Variants in DYNC2H1 observed in about 807,000 individuals in gnomAD.
The protein encoded by DYNC2H1 is cytoplasmic dynein 2 heavy chain 1.
A neutral mutation model predicts 570.0 loss-of-function variants in DYNC2H1; 410 were observed. The ratio of observed to expected loss-of-function variants is 0.72; its 90% confidence interval spans 0.66 to 0.78. DYNC2H1 has a LOEUF of 0.78. Ranked by LOEUF, DYNC2H1 falls within the 30% of genes least tolerant of loss-of-function variation. DYNC2H1 has a pLI of 0.00. For synonymous variants in DYNC2H1, 1,688 were observed against 1,677.6 expected, an observed-to-expected ratio of 1.01 and a Z score of -0.15; for missense variants, 4,865 against 5,046.4, an observed-to-expected ratio of 0.96 and a Z score of 1.09.
At chr11:103,175,021 A>G (rs1341736224) in intron 36 of DYNC2H1, among the ~76,000 whole-genome samples, 2 of 152,036 alleles carry the variant, frequency 1.3e-5, no homozygotes, top group Non-Finnish European at 2.9e-5. Context: ...TGCCTCATTT[A>G]TGTATTCATT....
In DYNC2H1 at chr11:103,209,998, T is replaced by C; in HGVS notation, c.8539+38T>C. The C allele has an allele frequency of 7.1e-7, 1 of 1,415,842 alleles. No homozygotes were observed. Among genetic ancestry groups the C allele is most frequent in the Non-Finnish European group, 9.2e-7 (1 of 1,082,442 alleles). 87.7% of individuals were successfully genotyped at this position (1,415,842 alleles called of 1,614,324 possible). A position where few individuals can be genotyped will look rare whatever the true frequency, so the allele number is the denominator to read the frequency against. On this transcript the variant is annotated intron_variant, in intron 53 of 88. Coordinates refer to ENST00000375735, the MANE Select transcript of DYNC2H1 (RefSeq NM_001377.3). This position sits in a 1 kb window ranked among gnomAD's most constrained non-coding sequence, Gnocchi z 4.2. ...TAAAATCAGTTTGATCTGGTTTTTA[T>C]TTATGAAATAATTGCCGTTTTTAAT...
intron 83 of DYNC2H1, among the ~76,000 whole-genome samples, chr11:103,386,611 T>C (rs11225758): frequency 6.6e-6 from 1 of 152,126 alleles, no homozygotes; most frequent in East Asian, 1.9e-4. Flanking sequence ...TAACTCATCA[T>C]GTAACGTTAG....
chr11:103,279,220 A>T (rs577993758), intron 70 of DYNC2H1, among the ~76,000 whole-genome samples: 4 of 152,184 alleles, frequency 2.6e-5, no homozygotes, highest in Non-Finnish European at 5.9e-5. Context: ...TTATATTTTA[A>T]TAAAGACATA....
intron 70 of DYNC2H1, among the ~76,000 whole-genome samples, chr11:103,271,904 A>C (rs1865723369): frequency 6.6e-6 from 1 of 152,216 alleles, no homozygotes; most frequent in Non-Finnish European, 1.5e-5. Context: ...AATGGCGATC[A>C]TTAAAAAGTC....
At chr11:103,364,092 TAA>T (rs1358137323) in intron 83 of DYNC2H1, among the ~76,000 whole-genome samples, 1 of 152,200 alleles carries the variant, frequency 6.6e-6, no homozygotes, top group South Asian at 2.1e-4. Context: ...AAGATATAGT[TAA>T]GTTTTACTAA....
chr11:103,333,477 G>C (rs901016327), intron 82 of DYNC2H1, among the ~76,000 whole-genome samples: 27 of 152,148 alleles, frequency 1.8e-4, no homozygotes, highest in African/African-American at 6.5e-4. Context: ...TGTTAGCCAG[G>C]ATGGTCTCGA....
chr11:103,219,683 C>T (rs1863514136), intron 55 of DYNC2H1, among the ~76,000 whole-genome samples: 1 of 152,112 alleles, frequency 6.6e-6, no homozygotes, highest in South Asian at 2.1e-4. Flanking sequence ...GCATTTATTG[C>T]TTTGCTAAGT....
At position 103,353,012 on chromosome 11, in the gene DYNC2H1, C is replaced by G. The variant is rs1940126318; in HGVS notation, c.12040-5231C>G. Among the ~76,000 whole-genome samples, 3 of 152,178 alleles carry G rather than the reference C, an allele frequency of 2.0e-5. No homozygotes were observed. In the South Asian group the frequency reaches 6.2e-4, roughly 32 times the overall value. On this transcript the variant is annotated intron_variant, in intron 82 of 88. Coordinates refer to ENST00000375735, the MANE Select transcript of DYNC2H1 (RefSeq NM_001377.3). The stretch of plus-strand genomic sequence containing the variant: ...GTCCTTTGCAGGGACATGAATGAAA[C>G]TAGAAGTCATCATCCTCAGCAAACT...
chr11:103,174,997 A>G (rs556943706), intron 36 of DYNC2H1, among the ~76,000 whole-genome samples: 6 of 152,078 alleles, frequency 3.9e-5, no homozygotes, highest in Non-Finnish European at 8.8e-5. Context: ...TCTGTAATGA[A>G]GATTTATCTT....
rs1490723707 is a variant in DYNC2H1 at position 103,187,555 on chromosome 11, G to A, written c.7109G>A (p.Gly2370Glu). 1.2e-6 allele frequency: 2 copies of A among 1,612,966 alleles called. No individual in the cohort carries two copies. Among genetic ancestry groups the A allele is most frequent in the East Asian group, 2.2e-5 (1 of 44,798 alleles). Residue 2370 changes from glycine (G) to glutamate (E), a missense_variant, in exon 43 of 89, where the codon GGG becomes GAG. Physicochemically the swap from Gly to Glu is moderately conservative, Grantham distance 98. This residue lies in a region of DYNC2H1 where 2,401 missense variants were observed against 2,454.6 expected (regional missense o/e 0.98). Transcript: ENST00000375735. ...DINLPKLDKW[G>E]TSTLVAFLQQ... is the part of the protein sequence containing the mutation. ...AACCTACCTAAACTTGATAAATGGG[G>A]GACCAGTACTTTGGTAGCATTCCTA...
intron 84 of DYNC2H1, among the ~76,000 whole-genome samples, chr11:103,426,281 G>T (rs772307754): frequency 2.0e-5 from 3 of 152,112 alleles, no homozygotes; most frequent in Non-Finnish European, 4.4e-5. Flanking sequence ...TCTGTTCGAG[G>T]CTCTCAGCTC....
intron 54 of DYNC2H1, among the ~76,000 whole-genome samples, chr11:103,213,627 T>TA (rs11332000): frequency 1.9e-4 from 28 of 150,038 alleles, no homozygotes; most frequent in East Asian, 5.8e-4. Flanking sequence ...GTGTGTCTTT[T>TA]AAAAAAAAAA....
Position 103,319,906 on chromosome 11 carries a change from G to A in DYNC2H1, c.11726-1123G>A, listed in dbSNP as rs756480386. On this transcript the variant is annotated intron_variant, in intron 80 of 88. Coordinates refer to ENST00000375735, the MANE Select transcript of DYNC2H1 (RefSeq NM_001377.3). The surrounding 1 kb of genome is among the most constrained non-coding windows in gnomAD (Gnocchi z 4.3). ...TAGTCACTGTTGACTATAAGATGTA[G>A]GCAGATAACAACTTTATTCTTCCAC... Among the ~76,000 whole-genome samples, 1 of 152,086 alleles carries A rather than the reference G, an allele frequency of 6.6e-6. No homozygotes were observed. Among genetic ancestry groups the A allele is most frequent in the Admixed American group, 6.6e-5 (1 of 15,264 alleles).
Position 103,460,544 on chromosome 11 carries a change from G to A in DYNC2H1, c.12648+4188G>A, listed in dbSNP as rs536360411. Among the ~76,000 whole-genome samples, 8 of 150,314 alleles carry A rather than the reference G, an allele frequency of 5.3e-5. No homozygotes were observed. The South Asian group carries it at 1.7e-3, about 32-fold the overall frequency. On this transcript the variant is annotated intron_variant, in intron 87 of 88. Coordinates refer to ENST00000375735, the MANE Select transcript of DYNC2H1 (RefSeq NM_001377.3). ...GATTATAATATTAGTATCTGAAAAA[G>A]AGCTATGTGACATTTTTAAGCAATT...
intron 59 of DYNC2H1, among the ~76,000 whole-genome samples, chr11:103,229,146 G>T (rs1030293269): frequency 2.6e-5 from 4 of 152,174 alleles, no homozygotes; most frequent in Admixed American, 2.6e-4. Context: ...CTGAGAACTT[G>T]CCCCAGACCA....
intron 11 of DYNC2H1, 114 bp downstream of exon 11, chr11:103,123,114 T>A: frequency 2.6e-6 from 2 of 780,712 alleles, no homozygotes; most frequent in Middle Eastern, 4.3e-4. Context: ...CCTCCTGTAA[T>A]TTTTTTTTGT....
rs547419104 is a variant in DYNC2H1 at position 103,187,476 on chromosome 11, C to T, written c.7030C>T (p.Arg2344Cys). 3.4e-5 allele frequency: 55 copies of T among 1,613,236 alleles called. No individual in the cohort carries two copies. Among genetic ancestry groups the T allele is most frequent in the Admixed American group, 2.5e-4 (15 of 59,934 alleles). The change falls in exon 43 of 89, where the codon CGT (arginine) becomes TGT (cysteine). Residue 2344 changes from arginine (R) to cysteine (C), a missense_variant. Physicochemically the swap from Arg to Cys is radical, Grantham distance 180 (BLOSUM62 -3). This residue lies in a region of DYNC2H1 where 2,401 missense variants were observed against 2,454.6 expected (regional missense o/e 0.98). Transcript: ENST00000375735. ...TCMVISTNTG[R>C]VYRPKDCERL... ...CATGGTAATCAGTACTAATACTGGT[C>T]GTGTATACAGACCAAAAGACTGTGA... is the stretch of plus-strand genomic sequence containing the variant.
At chr11:103,251,085 A>G (rs1864810865) in intron 65 of DYNC2H1, among the ~76,000 whole-genome samples, 1 of 151,954 alleles carries the variant, frequency 6.6e-6, no homozygotes, top group South Asian at 2.1e-4. Context: ...CTATGCCCTA[A>G]TTTATTTTTT....
At chr11:103,138,634 T>C (rs1859709226) in intron 17 of DYNC2H1, among the ~76,000 whole-genome samples, 1 of 152,240 alleles carries the variant, frequency 6.6e-6, no homozygotes, top group South Asian at 2.1e-4. Context: ...ATTGAGGATT[T>C]TTACATCGAT....
Sources: gnomAD v4.1 joint callset for allele counts (sites outside exome capture counted in the v4.1 genomes callset) on GRCh38, gnomAD v4.1.1 for gene constraint, gnomAD v4.1.1 regional missense constraint, Gnocchi (gnomAD v3.1) non-coding constraint, MANE v1.5 for transcripts, NCBI Gene and HGNC (gene_info 2026-07-23, HGNC 2026-07-21) for gene names.